RUNX3: variants seen among roughly 807,000 people sequenced by gnomAD.
RUNX3 encodes the protein RUNX family transcription factor 3.
RUNX3 carries 10 observed loss-of-function variants against 27.7 expected under a neutral mutation model. That is an observed-to-expected ratio of 0.36 (90% CI 0.22 to 0.61). The LOEUF (loss-of-function observed/expected upper bound fraction) is 0.61. Ranked by LOEUF, RUNX3 falls within the 20% of genes least tolerant of loss-of-function variation. The probability of loss-of-function intolerance (pLI) is 0.72; values close to 1 mark genes in which losing one functional copy is unlikely to be tolerated. For synonymous variants in RUNX3, 270 were observed against 269.2 expected (o/e 1.00, Z -0.03); for missense variants, 469 against 629.5 (o/e 0.75, Z 2.73).
At chr1:24,939,182 C>T (rs1641416508) in intron 2 of RUNX3, among the ~76,000 whole-genome samples, 1 of 152,150 alleles carries the variant, frequency 6.6e-6, no homozygotes, top group Non-Finnish European at 1.5e-5. Context: ...CCACTGGACC[C>T]TGGGCACGCA....
At position 24,900,357 on chromosome 1, in the gene RUNX3, C is replaced by G. The variant is rs1267207914; in HGVS notation, c.*1765G>C. On this transcript the variant is annotated 3_prime_UTR_variant, in exon 5 of 5. Transcript: ENST00000308873. ...TGACAGGTTGGGTGGGGACAGTGCTCTCACAGAGACAACCAATGAAGAGCA... is the reference window on the plus strand; with the variant it reads ...TGACAGGTTGGGTGGGGACAGTGCTGTCACAGAGACAACCAATGAAGAGCA... 1 of 152,382 alleles carries G rather than the reference C, an allele frequency of 6.6e-6. No homozygotes were observed. The highest frequency in any genetic ancestry group is 2.1e-4 in the South Asian group (1 of 4,830). 9.4% of individuals were successfully genotyped at this position (152,382 alleles called of 1,614,324 possible).
intron 2 of RUNX3, among the ~76,000 whole-genome samples, chr1:24,935,954 C>A (rs1381921391): frequency 3.3e-5 from 5 of 152,240 alleles, no homozygotes; most frequent in Admixed American, 3.3e-4. Context: ...GCACCCCACT[C>A]CTCGATCAGG....
intron 2 of RUNX3, among the ~76,000 whole-genome samples, chr1:24,925,714 A>G (rs747958433): frequency 1.3e-5 from 2 of 152,146 alleles, no homozygotes; most frequent in Non-Finnish European, 2.9e-5. Context: ...TCCTCCTCAG[A>G]TCACTTCCTG....
At chr1:24,937,188 G>A (rs1459386093) in intron 2 of RUNX3, among the ~76,000 whole-genome samples, 3 of 152,222 alleles carry the variant, frequency 2.0e-5, no homozygotes. Context: ...AGCCACCCTA[G>A]ATATCCCAGA....
chr1:24,964,630 C>T (rs1387475776), exon 2 of RUNX3: 1 of 1,567,618 alleles, frequency 6.4e-7, no homozygotes, highest in East Asian at 2.4e-5. Flanking sequence ...TTGGGATTCA[C>T]TTGGTTGGCT....
At chr1:24,922,830 G>T (rs1641025908) in intron 2 of RUNX3, among the ~76,000 whole-genome samples, 1 of 137,884 alleles carries the variant, frequency 7.3e-6, no homozygotes. Flanking sequence ...TCAACCTGAA[G>T]TATCACAGGC....
chr1:24,938,896 T>C (rs929826107), intron 2 of RUNX3, among the ~76,000 whole-genome samples: 2 of 152,072 alleles, frequency 1.3e-5, no homozygotes, highest in Admixed American at 6.5e-5. Context: ...TCCAGAACCA[T>C]GTGTAGTAAG....
chr1:24,935,224 T>C (rs1280761316), upstream of RUNX3, among the ~76,000 whole-genome samples: 1 of 152,216 alleles, frequency 6.6e-6, no homozygotes, highest in Non-Finnish European at 1.5e-5. Flanking sequence ...CCACATTCAG[T>C]GCCTCTCGCC....
intron 2 of RUNX3, among the ~76,000 whole-genome samples, chr1:24,940,457 G>A (rs1000668057): frequency 3.3e-5 from 5 of 152,262 alleles, no homozygotes; most frequent in African/African-American, 1.2e-4. Flanking sequence ...TCTATGAAAT[G>A]GGGAGAACAA....
intron 2 of RUNX3, among the ~76,000 whole-genome samples, chr1:24,919,643 C>A (rs899156428): frequency 1.3e-5 from 2 of 151,974 alleles, no homozygotes; most frequent in African/African-American, 4.8e-5. Flanking sequence ...GAGACCCACA[C>A]GATTTTGTGG....
intron 3 of RUNX3, among the ~76,000 whole-genome samples, chr1:24,915,323 C>T (rs928859409): frequency 6.6e-6 from 1 of 152,100 alleles, no homozygotes; most frequent in Non-Finnish European, 1.5e-5. Flanking sequence ...CCTAGGGAGG[C>T]TGAGGCAAGA....
rs977758569 is a variant in RUNX3, at chr1:24,924,708, T to C, written c.439+2866A>G. ...TATTATAAATTACTTTCCCTTTTTT[T>C]CTCCATCATAGCTATGGAATAACAT... On this transcript the variant is annotated intron_variant, in intron 2 of 4. Transcript: ENST00000308873. Among the ~76,000 whole-genome samples the C allele has an allele frequency of 3.9e-5, 6 of 152,334 alleles. No individual in the cohort carries two copies. In the South Asian group the frequency reaches 6.2e-4, roughly 16 times the overall value.
At chr1:24,946,792 C>G (rs1412316856) in intron 2 of RUNX3, among the ~76,000 whole-genome samples, 1 of 152,138 alleles carries the variant, frequency 6.6e-6, no homozygotes, top group African/African-American at 2.4e-5. Flanking sequence ...CAGCCCCACT[C>G]CCACTGGCAG....
intron 3 of RUNX3, among the ~76,000 whole-genome samples, chr1:24,909,831 G>A (rs1018788654): frequency 1.3e-5 from 2 of 152,194 alleles, no homozygotes; most frequent in Non-Finnish European, 2.9e-5. Flanking sequence ...ACACGGTCAC[G>A]GCCATTCTAC....
chr1:24,902,053 G>T lies in RUNX3; in HGVS notation c.*69C>A. 1 of 1,389,280 alleles carries T rather than the reference G, an allele frequency of 7.2e-7. No individual in the cohort carries two copies. The highest frequency in any genetic ancestry group is 9.5e-7 in the Non-Finnish European group (1 of 1,050,310). 86.1% of individuals were successfully genotyped at this position (1,389,280 alleles called of 1,614,324 possible). On this transcript the variant is annotated 3_prime_UTR_variant, in exon 5 of 5. Coordinates refer to ENST00000308873, the MANE Select transcript of RUNX3 (RefSeq NM_004350.3). The surrounding 1 kb of genome is among the most constrained non-coding windows in gnomAD (Gnocchi z 9.2). Reference sequence around the variant, plus strand: ...TCCCATTCCCGCCCGGAGCCTCGGAGCCGGCCCATCACTGGTCTTGAAGGT... The same window carrying T: ...TCCCATTCCCGCCCGGAGCCTCGGATCCGGCCCATCACTGGTCTTGAAGGT...
intron 2 of RUNX3, among the ~76,000 whole-genome samples, chr1:24,958,333 G>A (rs1157955549): frequency 6.6e-6 from 1 of 152,238 alleles, no homozygotes; most frequent in South Asian, 2.1e-4. Context: ...TAAACTGTGT[G>A]CAAGGCGGAT....
intron 3 of RUNX3, among the ~76,000 whole-genome samples, chr1:24,908,494 A>G (rs1385252747): frequency 6.6e-6 from 1 of 152,090 alleles, no homozygotes; most frequent in Non-Finnish European, 1.5e-5. Context: ...AAAAATTAAA[A>G]AAAAAAAAGA....
chr1:24,948,237 C>A (rs1641662215), intron 2 of RUNX3, among the ~76,000 whole-genome samples: 3 of 152,206 alleles, frequency 2.0e-5, no homozygotes, highest in African/African-American at 7.2e-5. Flanking sequence ...CCCCCTGCAG[C>A]CTCCCTCAGA....
intron 2 of RUNX3, among the ~76,000 whole-genome samples, chr1:24,922,805 A>AAAG (rs1641024983): frequency 6.6e-6 from 1 of 151,426 alleles, no homozygotes; most frequent in African/African-American, 2.4e-5. Flanking sequence ...AAAAAAAAAA[A>AAAG]AAGCGCTAAG....
Sources: allele counts gnomAD v4.1 joint callset (sites outside exome capture counted in the v4.1 genomes callset), GRCh38; gene constraint gnomAD v4.1.1; non-coding constraint Gnocchi (gnomAD v3.1); transcripts MANE v1.5; gene names NCBI Gene and HGNC (gene_info 2026-07-23, HGNC 2026-07-21).